The following ANKRD45 variants were observed in gnomAD, a reference collection of about 807,000 sequenced individuals.
The protein encoded by ANKRD45 is ankyrin repeat domain-containing protein 45.
In ANKRD45, 21 loss-of-function variants were observed where a neutral mutation model predicts 28.1. The ratio of observed to expected loss-of-function variants is 0.75; its 90% CI spans 0.53 to 1.08. ANKRD45 has a LOEUF of 1.08. Among genes scored for constraint, ANKRD45 ranks in the 50% least tolerant of loss-of-function variants. The probability of loss-of-function intolerance (pLI) is 0.00; values close to 1 mark genes in which losing one functional copy is unlikely to be tolerated. For synonymous variants in ANKRD45, 86 were observed against 103.9 expected (o/e 0.83, Z 1.05); for missense variants, 261 against 308.7 (o/e 0.85, Z 1.16).
the ANKRD45 span, among the ~76,000 whole-genome samples, chr1:173,682,684 T>TACACATAC: frequency 6.9e-6 from 1 of 143,940 alleles, no homozygotes; most frequent in African/African-American, 2.6e-5. Flanking sequence ...GCCTTTTAAA[T>TACACATAC]ACACACACAC....
chr1:173,688,791 GTC>G, the ANKRD45 span, among the ~76,000 whole-genome samples: 13 of 128,196 alleles, frequency 1.0e-4, no homozygotes, highest in East Asian at 1.4e-3. Flanking sequence ...TTTCCTCTCT[GTC>G]TCTCTCTCTC....
chr1:173,682,684 TACACACACACACACACAC>T, the ANKRD45 span, among the ~76,000 whole-genome samples: 8 of 143,940 alleles, frequency 5.6e-5, no homozygotes, highest in Admixed American at 5.5e-4. Flanking sequence ...GCCTTTTAAA[TACACACACACACACACAC>T]ACACACACAC....
At chr1:173,613,428 C>A (rs539864898) in intron 5 of ANKRD45, among the ~76,000 whole-genome samples, 2 of 151,236 alleles carry the variant, frequency 1.3e-5, no homozygotes, top group Non-Finnish European at 3.0e-5. Flanking sequence ...GGAGCATCTC[C>A]GCCCGGCAGC....
chr1:173,701,141 A>G, the ANKRD45 span, among the ~76,000 whole-genome samples: 1 of 152,262 alleles, frequency 6.6e-6, no homozygotes, highest in East Asian at 1.9e-4. Context: ...ACCAGTTAGA[A>G]TGGCAATCAT....
chr1:173,699,090 T>G, the ANKRD45 span, among the ~76,000 whole-genome samples: 1 of 152,088 alleles, frequency 6.6e-6, no homozygotes. Flanking sequence ...GATAAATTCC[T>G]GGACACATAC....
chr1:173,613,566 C>CCT (rs1171911862), intron 5 of ANKRD45, among the ~76,000 whole-genome samples: 1 of 148,950 alleles, frequency 6.7e-6, no homozygotes, highest in African/African-American at 2.5e-5. Flanking sequence ...GGGTCAGCCC[C>CCT]CCCCCCGGCC....
chr1:173,662,360 C>A lies in ANKRD45; in HGVS notation c.-15-2927G>T, dbSNP rs565417829. Among the ~76,000 whole-genome samples, 16 of 152,324 alleles carry A rather than the reference C, an allele frequency of 1.1e-4. No homozygotes were observed. In the South Asian group the frequency reaches 3.1e-3, roughly 30 times the overall value. On this transcript the variant is annotated intron_variant, in intron 1 of 5. Transcript: ENST00000333279. Reference sequence around the variant, plus strand: ...TAAATTGGTAGAATATTAGAAACTTCTCTATTACTACCCTACATTAATCCC... The same window carrying A: ...TAAATTGGTAGAATATTAGAAACTTATCTATTACTACCCTACATTAATCCC...
At chr1:173,658,456 T>G (rs1283610202) in intron 2 of ANKRD45, 1 of 152,286 alleles carries the variant, frequency 6.6e-6, no homozygotes, top group African/African-American at 2.4e-5. Flanking sequence ...ATAGATACTT[T>G]GATAGTTGTT....
intron 2 of ANKRD45, among the ~76,000 whole-genome samples, chr1:173,655,325 T>C (rs889818580): frequency 1.3e-5 from 2 of 152,270 alleles, no homozygotes; most frequent in African/African-American, 4.8e-5. Context: ...CCTTTCTGTT[T>C]GTTAGTTTTC....
the ANKRD45 span, among the ~76,000 whole-genome samples, chr1:173,679,884 G>A: frequency 6.6e-6 from 1 of 152,186 alleles, no homozygotes; most frequent in African/African-American, 2.4e-5. Context: ...TGAAGGATAT[G>A]AACAGACACT....
chr1:173,699,214 T>C, the ANKRD45 span, among the ~76,000 whole-genome samples: 4 of 152,120 alleles, frequency 2.6e-5, no homozygotes, highest in African/African-American at 9.7e-5. Context: ...CAGGACCACA[T>C]GGATTCACAG....
intron 1 of ANKRD45, among the ~76,000 whole-genome samples, chr1:173,668,754 C>T (rs1571791093): frequency 6.6e-6 from 1 of 152,108 alleles, no homozygotes; most frequent in African/African-American, 2.4e-5. Context: ...CAGTCATATA[C>T]AAAAATAAAT....
chr1:173,661,421 G>C (rs577696418), intron 1 of ANKRD45, among the ~76,000 whole-genome samples: 2 of 152,284 alleles, frequency 1.3e-5, no homozygotes, highest in African/African-American at 4.8e-5. Context: ...GTTAAGTATA[G>C]GCCATTCAAA....
At chr1:173,613,803 C>T (rs544095591) in intron 5 of ANKRD45, among the ~76,000 whole-genome samples, 263 of 152,194 alleles carry the variant, frequency 1.7e-3, no homozygotes, top group Non-Finnish European at 3.1e-3. Context: ...GCCATGATGA[C>T]GATGGCGGTT....
intron 5 of ANKRD45, among the ~76,000 whole-genome samples, chr1:173,618,998 A>C (rs1168904912): frequency 1.3e-5 from 2 of 152,252 alleles, no homozygotes; most frequent in African/African-American, 4.8e-5. Context: ...TTCTTAAAGA[A>C]AAGAATTTCC....
rs1291088678 is a variant in ANKRD45 at position 173,624,824 on chromosome 1, A to G, written c.693T>C (p.Asp231=). The G allele has an allele frequency of 7.4e-6, 12 of 1,613,862 alleles. No homozygotes were observed. Among genetic ancestry groups the G allele is most frequent in the Non-Finnish European group, 1.0e-5 (12 of 1,179,888 alleles). Reference sequence around the variant, plus strand: ...TTTTTGTGAAGATAGGAGTCACAATATCTTCCAGTTGTTGTCTCTGCTCAA... The same window carrying G: ...TTTTTGTGAAGATAGGAGTCACAATGTCTTCCAGTTGTTGTCTCTGCTCAA... ...ELFEQRQQLE[D]IVTPIFTKMT... Residue 231 remains aspartate, a synonymous_variant, in exon 5 of 6, where the codon GAT becomes GAC. Transcript: ENST00000333279.
At chr1:173,692,476 G>A in the ANKRD45 span, among the ~76,000 whole-genome samples, 1 of 152,150 alleles carries the variant, frequency 6.6e-6, no homozygotes, top group African/African-American at 2.4e-5. Flanking sequence ...GTGAGCAGAG[G>A]GGTGACTTTG....
intron 3 of ANKRD45, among the ~76,000 whole-genome samples, chr1:173,635,129 T>C (rs750504944): frequency 2.0e-5 from 3 of 152,054 alleles, no homozygotes; most frequent in Non-Finnish European, 2.9e-5. Flanking sequence ...TAGTAAAGTG[T>C]TCACTTTTAA....
chr1:173,660,883 T>G (rs1669745171), intron 1 of ANKRD45, among the ~76,000 whole-genome samples: 1 of 152,158 alleles, frequency 6.6e-6, no homozygotes, highest in African/African-American at 2.4e-5. Context: ...AGGATCCAGC[T>G]AACCTGTGCC....
Sources: allele counts gnomAD v4.1 joint callset (sites outside exome capture counted in the v4.1 genomes callset), GRCh38; gene constraint gnomAD v4.1.1; transcripts MANE v1.5; gene names NCBI Gene and HGNC (gene_info 2026-07-23, HGNC 2026-07-21).